ADGRF4: variants seen among roughly 807,000 people sequenced by gnomAD.
ADGRF4 encodes G-protein coupled receptor PGR18.
In ADGRF4, 63 loss-of-function variants were observed where a neutral mutation model predicts 58.5. The observed-to-expected ratio is 1.08, with a 90% CI of 0.88 to 1.33. ADGRF4 has a LOEUF of 1.33. ADGRF4 is among the 40% of genes most tolerant of loss of function. The pLI, the probability that ADGRF4 is intolerant of heterozygous loss-of-function variation, is 0.00. For missense variants in ADGRF4, 931 were observed against 843.9 expected (o/e 1.10, Z -1.28); for synonymous variants, 313 against 295.4 (o/e 1.06, Z -0.61).
At chr6:47,717,479 T>C (rs1772050720) in intron 8 of ADGRF4, 128 bp downstream of exon 8, 1 of 706,296 alleles carries the variant, frequency 1.4e-6, no homozygotes, top group Non-Finnish European at 2.6e-6. Flanking sequence ...ACTTCATTCA[T>C]TCATTTCTTC....
At chr6:47,700,111 T>C (rs933658185) in intron 1 of ADGRF4, among the ~76,000 whole-genome samples, 4 of 152,172 alleles carry the variant, frequency 2.6e-5, no homozygotes, top group Non-Finnish European at 5.9e-5. Context: ...GTGGTACAGT[T>C]CCGGGGAGAG....
At position 47,712,568 on chromosome 6, in the gene ADGRF4, C is replaced by G; in HGVS notation, c.512C>G (p.Ser171Cys). The change falls in exon 5 of 10, where the codon TCT (serine) becomes TGT (cysteine). Residue 171 changes from serine (S) to cysteine (C), a missense_variant. By Grantham distance (112) the Ser-to-Cys change is moderately radical. Transcript: ENST00000283303. ...ATAGTGGAGTTATTAAAAAATATTTCTACAGACTTGTCTGATAATGTTACT... is the reference window on the plus strand; with the variant it reads ...ATAGTGGAGTTATTAAAAAATATTTGTACAGACTTGTCTGATAATGTTACT... ...AFIVELLKNISTDLSDNVTRE... is the reference protein window; with the variant it reads ...AFIVELLKNICTDLSDNVTRE... The G allele has an allele frequency of 1.3e-6, 2 of 1,590,634 alleles. No individual in the cohort carries two copies. Among genetic ancestry groups the G allele is most frequent in the Non-Finnish European group, 1.7e-6 (2 of 1,158,626 alleles).
intron 1 of ADGRF4, among the ~76,000 whole-genome samples, chr6:47,706,704 AG>A (rs1430047089): frequency 6.6e-6 from 1 of 152,230 alleles, no homozygotes; most frequent in Non-Finnish European, 1.5e-5. Context: ...ACAGAGATGA[AG>A]AATGGCTGTC....
At chr6:47,719,560 G>A (rs893229031) in intron 9 of ADGRF4, among the ~76,000 whole-genome samples, 12 of 152,128 alleles carry the variant, frequency 7.9e-5, no homozygotes, top group African/African-American at 2.9e-4. Context: ...TAATTCAAAT[G>A]ACCTATTAAA....
At chr6:47,710,669 C>T in intron 3 of ADGRF4, 66 bp from the exon 4 acceptor site, 5 of 1,476,766 alleles carry the variant, frequency 3.4e-6, no homozygotes, top group Admixed American at 2.3e-5. Context: ...ATTTGATGCA[C>T]CTGTCAAAAT....
rs112251839 is a variant in ADGRF4, at chr6:47,712,572, A to T, written c.516A>T (p.Thr172=). Residue 172 remains threonine (T), a synonymous_variant, in exon 5 of 10, where the codon ACA becomes ACT. Coordinates refer to ENST00000283303, the MANE Select transcript of ADGRF4 (RefSeq NM_153838.5). ...FIVELLKNIS[T]DLSDNVTREK... ...TGGAGTTATTAAAAAATATTTCTAC[A>T]GACTTGTCTGATAATGTTACTCGAG... is the stretch of plus-strand genomic sequence containing the variant. 1,048 of 1,589,250 alleles carry T rather than the reference A, an allele frequency of 6.6e-4. 7 individuals carry two copies. In the African/African-American group the frequency reaches 0.01, roughly 16 times the overall value.
rs760133688 is a variant in ADGRF4 at position 47,722,007 on chromosome 6, A to T, written c.*802A>T. On this transcript the variant is annotated 3_prime_UTR_variant, in exon 10 of 10. Transcript: ENST00000283303. ...ATTTTAGACATAAACGAATATATGT[A>T]CCTTTCACAACTTGCGCATGTGTGA... 2.0e-5 allele frequency: 3 copies of T among 152,190 alleles called. No individual in the cohort carries two copies. Among genetic ancestry groups the T allele is most frequent in the Non-Finnish European group, 2.9e-5 (2 of 68,042 alleles). The allele number at this position is 152,190 out of a possible 1,614,324, so 9.4% of individuals were successfully genotyped here. A position where few individuals can be genotyped will look rare whatever the true frequency, so the allele number is the denominator to read the frequency against.
Position 47,707,009 on chromosome 6 carries a change from T to C in ADGRF4, c.-16-221T>C, listed in dbSNP as rs533392809. 2.8e-4 allele frequency among the ~76,000 whole-genome samples: 42 copies of C among 152,362 alleles called. No homozygotes were observed. The East Asian group carries it at 7.9e-3, about 29-fold the overall frequency. On this transcript the variant is annotated intron_variant, in intron 1 of 9. Coordinates refer to ENST00000283303, the MANE Select transcript of ADGRF4 (RefSeq NM_153838.5). ...TTCTGGTTCTTCCATCATTCTATCT[T>C]CTTCTGTAGAAAAGTTAACAGTTGA...
intron 1 of ADGRF4, among the ~76,000 whole-genome samples, chr6:47,705,996 T>C (rs1400716935): frequency 2.6e-5 from 4 of 152,218 alleles, no homozygotes; most frequent in African/African-American, 9.7e-5. Flanking sequence ...TTGGTAAATG[T>C]TGGTTGATAG....
chr6:47,710,817 A>C lies in ADGRF4; in HGVS notation c.231A>C (p.Thr77=). 6.2e-7 allele frequency: 1 copy of C among 1,614,050 alleles called. No homozygotes were observed. The highest frequency in any genetic ancestry group is 8.5e-7 in the Non-Finnish European group (1 of 1,179,930). ...AKDFHGEIGF[T]CNQKKWQKSA... The stretch of plus-strand genomic sequence containing the variant: ...ACTTTCATGGAGAAATAGGATTTAC[A>C]TGTAATCAAAAAAAGTGGCAAAAAT... The change falls in exon 4 of 10, where the codon ACA becomes ACC. Residue 77 remains threonine (T), a synonymous_variant. Coordinates refer to ENST00000283303, the MANE Select transcript of ADGRF4 (RefSeq NM_153838.5).
intron 1 of ADGRF4, among the ~76,000 whole-genome samples, chr6:47,701,044 A>T (rs1928464): frequency 6.6e-6 from 1 of 152,080 alleles, no homozygotes; most frequent in Non-Finnish European, 1.5e-5. Context: ...GAATTTAGGC[A>T]GCGGTGTGAA....
At chr6:47,712,916 A>G (rs1356021318) in intron 5 of ADGRF4, among the ~76,000 whole-genome samples, 1 of 152,238 alleles carries the variant, frequency 6.6e-6, no homozygotes, top group Admixed American at 6.5e-5. Flanking sequence ...AGGGGTCCCC[A>G]ACACCCAGGC....
rs138771559 is a variant in ADGRF4 at position 47,699,903 on chromosome 6, TACACAC to T, written c.-17+1125_-17+1130del. Among the ~76,000 whole-genome samples the T allele has an allele frequency of 6.6e-3, 961 of 146,452 alleles. 11 individuals are homozygous for T. The highest frequency in any genetic ancestry group is 0.023 in the African/African-American group (904 of 39,518). The stretch of plus-strand genomic sequence containing the variant: ...ATTAGGGGAACAACACACACACACA[TACACAC>T]ACACACACACACACAGACGACACAC... On this transcript the variant is annotated intron_variant, in intron 1 of 9. Coordinates refer to ENST00000283303, the MANE Select transcript of ADGRF4 (RefSeq NM_153838.5).
intron 8 of ADGRF4, among the ~76,000 whole-genome samples, chr6:47,718,014 T>C (rs1772067313): frequency 6.6e-6 from 1 of 152,206 alleles, no homozygotes. Flanking sequence ...CGAAAACTTT[T>C]TGGATACATT....
At chr6:47,708,372 T>C in intron 3 of ADGRF4, 94 bp downstream of exon 3, 1 of 874,808 alleles carries the variant, frequency 1.1e-6, no homozygotes, top group South Asian at 1.4e-5. Flanking sequence ...GACCACAGGC[T>C]TTCCAACTGA....
rs115095434 is a variant in ADGRF4 at position 47,707,278 on chromosome 6, C to G, written c.33C>G (p.Cys11Trp). 1.4e-3 allele frequency: 2,245 copies of G among 1,613,244 alleles called. 20 individuals are homozygous for G. Among genetic ancestry groups the G allele is most frequent in the African/African-American group, 0.013 (1,007 of 75,008 alleles). The change falls in exon 2 of 10, where the codon TGC (cysteine) becomes TGG (tryptophan). Residue 11 changes from cysteine to tryptophan, a missense_variant. Transcript: ENST00000283303. MKMKSQATMI[C>W]CLVFFLSTEC... Reference sequence around the variant, plus strand: ...TGAAGTCCCAGGCAACCATGATTTGCTGCTTAGTGTTCTTTCTGTCCACAG... The same window carrying G: ...TGAAGTCCCAGGCAACCATGATTTGGTGCTTAGTGTTCTTTCTGTCCACAG...
chr6:47,712,699 T>C, intron 5 of ADGRF4, 91 bp downstream of exon 5: 1 of 900,554 alleles, frequency 1.1e-6, no homozygotes. Context: ...AAAACTACAG[T>C]GACAGCAACC....
In ADGRF4 at chr6:47,705,139, G is replaced by T. The variant is rs149121267; in HGVS notation, c.-16-2091G>T. Among the ~76,000 whole-genome samples the T allele has an allele frequency of 3.3e-4, 51 of 152,242 alleles. No individual in the cohort carries two copies. In the East Asian group the frequency reaches 9.3e-3, roughly 28 times the overall value. ...GAGATGGAGTTTCACCTGTTAGCCA[G>T]GATGGTCTTGATCTCCTGACCTCGT... is the stretch of plus-strand genomic sequence containing the variant. On this transcript the variant is annotated intron_variant, in intron 1 of 9. Transcript: ENST00000283303.
intron 9 of ADGRF4, among the ~76,000 whole-genome samples, chr6:47,720,604 AC>A (rs1447314920): frequency 4.6e-5 from 7 of 152,088 alleles, no homozygotes; most frequent in Non-Finnish European, 1.0e-4. Flanking sequence ...CTCATTGGGA[AC>A]CCCATTCTGG....
Sources: allele counts gnomAD v4.1 joint callset (sites outside exome capture counted in the v4.1 genomes callset), GRCh38; gene constraint gnomAD v4.1.1; transcripts MANE v1.5; gene names NCBI Gene and HGNC (gene_info 2026-07-23, HGNC 2026-07-21).